NRXN1: variants seen among roughly 807,000 people sequenced by gnomAD.
NRXN1 encodes neurexin 1, also known as neurexin-1.
A neutral mutation model predicts 150.9 loss-of-function variants in NRXN1; 39 were observed. The ratio of observed to expected loss-of-function variants is 0.26; its 90% CI spans 0.20 to 0.34. The LOEUF (loss-of-function observed/expected upper bound fraction) is 0.34, where lower values mean the gene tolerates loss of function less well. Among genes scored for constraint, NRXN1 ranks in the 10% least tolerant of loss-of-function variants. The probability of loss-of-function intolerance (pLI) is 1.00; values close to 1 mark genes in which losing one functional copy is unlikely to be tolerated. For synonymous variants in NRXN1, 924 were observed against 757.0 expected, an observed-to-expected ratio of 1.22 and a Z score of -3.62; for missense variants, 1,815 against 1,949.9, an observed-to-expected ratio of 0.93 and a Z score of 1.30.
At chr2:50,200,965 G>C (rs911471026) in intron 18 of NRXN1, among the ~76,000 whole-genome samples, 2 of 151,974 alleles carry the variant, frequency 1.3e-5, no homozygotes. Context: ...CTTCTGAAAA[G>C]CTTCCCTTTT....
intron 5 of NRXN1, among the ~76,000 whole-genome samples, chr2:50,688,005 T>C (rs1032967785): frequency 3.9e-5 from 6 of 152,190 alleles, no homozygotes; most frequent in Non-Finnish European, 7.3e-5. Flanking sequence ...TTAGCACTAA[T>C]AGGTAAAATG....
intron 21 of NRXN1, among the ~76,000 whole-genome samples, chr2:50,032,128 T>C (rs1205687977): frequency 6.6e-6 from 1 of 152,108 alleles, no homozygotes; most frequent in Non-Finnish European, 1.5e-5. Flanking sequence ...GCTATTTTAC[T>C]GTTACTAGCC....
intron 5 of NRXN1, among the ~76,000 whole-genome samples, chr2:50,907,217 T>G (rs1683837562): frequency 6.6e-6 from 1 of 151,958 alleles, no homozygotes; most frequent in Non-Finnish European, 1.5e-5. Context: ...AAACCAACCT[T>G]TCTGGATTTC....
chr2:50,671,447 A>G (rs1221859351), intron 5 of NRXN1, among the ~76,000 whole-genome samples: 2 of 151,640 alleles, frequency 1.3e-5, no homozygotes, highest in Admixed American at 1.3e-4. Flanking sequence ...GATTTATTTT[A>G]TATTATCAAT....
Position 50,266,816 on chromosome 2 carries a change from G to A in NRXN1, c.3365-29846C>T, listed in dbSNP as rs755098716. ...CTAGTTTAGTGACACAAAAAGATAC[G>A]TTTGGTATTTAAGAAAGCATAAAGG... is the stretch of plus-strand genomic sequence containing the variant. On this transcript the variant is annotated intron_variant, in intron 17 of 22. Transcript: ENST00000401669. 1.4e-4 allele frequency among the ~76,000 whole-genome samples: 22 copies of A among 152,188 alleles called. No homozygotes were observed. In the South Asian group the frequency reaches 3.3e-3, roughly 23 times the overall value.
chr2:50,293,586 T>C (rs765740382), intron 17 of NRXN1, among the ~76,000 whole-genome samples: 2 of 152,118 alleles, frequency 1.3e-5, no homozygotes, highest in Non-Finnish European at 2.9e-5. Context: ...TACCTTTACA[T>C]GGAACTCAAG....
intron 17 of NRXN1, among the ~76,000 whole-genome samples, chr2:50,263,358 C>T (rs1333740832): frequency 2.0e-5 from 3 of 151,982 alleles, no homozygotes; most frequent in Non-Finnish European, 4.4e-5. Context: ...TAAGGTGGCA[C>T]TGTGTGTACT....
At chr2:50,068,894 G>A (rs139136667) in intron 19 of NRXN1, among the ~76,000 whole-genome samples, 3 of 152,222 alleles carry the variant, frequency 2.0e-5, no homozygotes, top group East Asian at 3.9e-4. Context: ...GTGATATCCC[G>A]AACGTAGGTG....
At chr2:50,300,723 T>C (rs568697118) in intron 17 of NRXN1, among the ~76,000 whole-genome samples, 1 of 152,162 alleles carries the variant, frequency 6.6e-6, no homozygotes, top group Admixed American at 6.5e-5. Flanking sequence ...TGAGACAGAG[T>C]CTTGCTCTGT....
At chr2:50,231,336 A>G (rs1290226633) in intron 18 of NRXN1, among the ~76,000 whole-genome samples, 1 of 152,094 alleles carries the variant, frequency 6.6e-6, no homozygotes, top group Non-Finnish European at 1.5e-5. Flanking sequence ...ATCTTAATAG[A>G]CCAGCAAGAT....
intron 18 of NRXN1, among the ~76,000 whole-genome samples, chr2:50,214,145 T>C (rs955798312): frequency 6.6e-6 from 1 of 152,002 alleles, no homozygotes; most frequent in Admixed American, 6.6e-5. Flanking sequence ...ACTTTGATTT[T>C]CAGCTTATCT....
At chr2:50,376,342 G>C (rs942502964) in intron 17 of NRXN1, among the ~76,000 whole-genome samples, 2 of 150,404 alleles carry the variant, frequency 1.3e-5, no homozygotes, top group Admixed American at 6.6e-5. Context: ...TTGGCTTACT[G>C]CTCTGCCAAA....
intron 1 of NRXN1, among the ~76,000 whole-genome samples, chr2:51,030,831 T>C (rs1231288073): frequency 6.6e-6 from 1 of 152,168 alleles, no homozygotes; most frequent in Non-Finnish European, 1.5e-5. Flanking sequence ...AATATCATGA[T>C]CAAGAGTAGT....
chr2:50,382,104 G>C (rs2081014392), intron 17 of NRXN1, among the ~76,000 whole-genome samples: 1 of 144,698 alleles, frequency 6.9e-6, no homozygotes, highest in South Asian at 2.2e-4. Context: ...AGTTTAAAAG[G>C]AAGTTGTAAG....
chr2:50,039,285 G>T (rs1192423289), intron 21 of NRXN1, among the ~76,000 whole-genome samples: 13 of 152,228 alleles, frequency 8.5e-5, no homozygotes, highest in African/African-American at 3.1e-4. Context: ...GGTCAACATG[G>T]TGAAATCCTG....
intron 3 of NRXN1, among the ~76,000 whole-genome samples, chr2:50,923,956 C>G (rs1267263813): frequency 6.6e-6 from 1 of 151,788 alleles, no homozygotes; most frequent in Non-Finnish European, 1.5e-5. Context: ...ACTGTAGCCT[C>G]TCTGTATTTT....
intron 17 of NRXN1, among the ~76,000 whole-genome samples, chr2:50,370,565 C>T (rs1315512691): frequency 6.6e-6 from 1 of 151,956 alleles, no homozygotes; most frequent in Non-Finnish European, 1.5e-5. Context: ...TAGTAAATAC[C>T]TTGAGGGTTC....
At chr2:50,580,830 C>T (rs1672153747) in intron 8 of NRXN1, among the ~76,000 whole-genome samples, 2 of 152,078 alleles carry the variant, frequency 1.3e-5, no homozygotes, top group Middle Eastern at 3.2e-3. Context: ...AGCTACTATA[C>T]CGTCTAGAAC....
intron 5 of NRXN1, chr2:50,696,050 GCAGGC>G (rs1692792602): frequency 6.6e-6 from 1 of 151,782 alleles, no homozygotes; most frequent in Non-Finnish European, 1.5e-5. Flanking sequence ...ACCATGTTGG[GCAGGC>G]TGGTCTTGAA....
Sources: allele counts gnomAD v4.1 joint callset (sites outside exome capture counted in the v4.1 genomes callset), GRCh38; gene constraint gnomAD v4.1.1; transcripts MANE v1.5; gene names NCBI Gene and HGNC (gene_info 2026-07-23, HGNC 2026-07-21).